Variants in BRDT observed in about 807,000 individuals in gnomAD.
The protein encoded by BRDT is bromodomain testis-specific protein.
A neutral mutation model predicts 113.9 loss-of-function variants in BRDT; 77 were observed. The observed-to-expected ratio is 0.68, with a 90% CI of 0.56 to 0.82. The LOEUF is 0.82. Among genes scored for constraint, BRDT ranks in the 40% least tolerant of loss-of-function variants. The pLI is 0.00. For synonymous variants in BRDT, 358 were observed against 366.5 expected, an observed-to-expected ratio of 0.98 and a Z score of 0.26; for missense variants, 1,027 against 1,105.4, an observed-to-expected ratio of 0.93 and a Z score of 1.01.
intron 3 of BRDT, among the ~76,000 whole-genome samples, chr1:91,965,101 A>G (rs1682924844): frequency 6.6e-6 from 1 of 151,656 alleles, no homozygotes; most frequent in Admixed American, 6.6e-5. Flanking sequence ...TTTAGTAGAG[A>G]TGGGGTTTTA....
At chr1:91,992,777 C>G (rs1453468425) in intron 14 of BRDT, among the ~76,000 whole-genome samples, 1 of 152,074 alleles carries the variant, frequency 6.6e-6, no homozygotes, top group Non-Finnish European at 1.5e-5. Flanking sequence ...TTTAGGTGAC[C>G]CACTCACCTC....
intron 18 of BRDT, among the ~76,000 whole-genome samples, chr1:92,013,028 T>C (rs999453427): frequency 1.8e-4 from 27 of 151,612 alleles, no homozygotes; most frequent in Non-Finnish European, 3.2e-4. Flanking sequence ...GACGCCAGCC[T>C]GGCCAATGTG....
chr1:91,989,748 C>T (rs145179942), intron 12 of BRDT, among the ~76,000 whole-genome samples: 172 of 152,224 alleles, frequency 1.1e-3, no homozygotes, highest in African/African-American at 3.9e-3. Flanking sequence ...ATGCCTAGCC[C>T]ACAACACTTA....
chr1:91,949,767 C>A (rs1359690686), intron 1 of BRDT, 85 bp downstream of exon 1: 1 of 152,254 alleles, frequency 6.6e-6, no homozygotes, highest in Non-Finnish European at 1.5e-5. Context: ...TCCCTCTTTT[C>A]CCCTAAATGT....
chr1:92,006,864 T>C (rs891587803), intron 18 of BRDT, among the ~76,000 whole-genome samples: 2 of 152,100 alleles, frequency 1.3e-5, no homozygotes, highest in Admixed American at 1.3e-4. Context: ...CTTGGCTCAC[T>C]GCGACCTCTG....
intron 11 of BRDT, 55 bp downstream of exon 11, chr1:91,981,436 G>T (rs1368325735): frequency 6.6e-7 from 1 of 1,521,938 alleles, no homozygotes; most frequent in Admixed American, 1.8e-5. Context: ...GTAGAGACAG[G>T]GTCTTGTGAT....
chr1:92,014,159 G>T, intron 18 of BRDT, 47 bp from the exon 19 acceptor site: 1 of 1,258,748 alleles, frequency 7.9e-7, no homozygotes. Context: ...TTGTAGTAAA[G>T]ACATACATTT....
rs1684121910 is a variant in BRDT at position 91,976,185 on chromosome 1, A to AGAC, written c.446-81_446-80insGAC. On this transcript the variant is annotated intron_variant, in intron 4 of 18. Coordinates refer to ENST00000399546, the MANE Select transcript of BRDT (RefSeq NM_207189.4). Reference sequence around the variant, plus strand: ...CTTATATTGCTAAAAAGCTGAACTAAATGAAATAGAAAATAAGACAGAAAG... The same window carrying AGAC: ...CTTATATTGCTAAAAAGCTGAACTAAGACATGAAATAGAAAATAAGACAGAAAG... 4 of 1,363,138 alleles carry AGAC rather than the reference A, an allele frequency of 2.9e-6. No homozygotes were observed. In the African/African-American group the frequency reaches 4.5e-5, roughly 15 times the overall value. The allele number at this position is 1,363,138 out of a possible 1,614,324, so 84.4% of individuals were successfully genotyped here. A position where few individuals can be genotyped will look rare whatever the true frequency, so the allele number is the denominator to read the frequency against.
intron 13 of BRDT, among the ~76,000 whole-genome samples, chr1:91,991,943 G>A (rs1291738463): frequency 2.4e-5 from 3 of 124,748 alleles, no homozygotes; most frequent in African/African-American, 8.9e-5. Flanking sequence ...AGTGAGCCGA[G>A]ATTGTGCCAC....
At chr1:92,002,959 T>A (rs1686991385) in intron 16 of BRDT, among the ~76,000 whole-genome samples, 1 of 152,228 alleles carries the variant, frequency 6.6e-6, no homozygotes, top group Non-Finnish European at 1.5e-5. Context: ...TCTATCCCCC[T>A]CCATCCCTCT....
intron 12 of BRDT, among the ~76,000 whole-genome samples, chr1:91,983,476 G>C (rs376651475): frequency 1.3e-5 from 2 of 151,820 alleles, no homozygotes. Context: ...GGATGGTCTC[G>C]ATCTCCTGAC....
At chr1:91,950,431 C>G (rs1011131919) in intron 1 of BRDT, 1 of 152,880 alleles carries the variant, frequency 6.5e-6, no homozygotes, top group African/African-American at 2.4e-5. Context: ...GCCTGGGCGA[C>G]AGAGTGAGAC....
chr1:91,994,513 C>G (rs545262279), intron 15 of BRDT, among the ~76,000 whole-genome samples: 1 of 150,238 alleles, frequency 6.7e-6, no homozygotes, highest in South Asian at 2.1e-4. Context: ...CAGATCTGAG[C>G]AGATCTGGGA....
At chr1:91,978,548 G>A (rs1386147168) in intron 7 of BRDT, among the ~76,000 whole-genome samples, 1 of 152,070 alleles carries the variant, frequency 6.6e-6, no homozygotes, top group African/African-American at 2.4e-5. Context: ...TTTTTATGAA[G>A]CTGCCCTGCA....
chr1:91,964,897 G>A (rs556560764), intron 3 of BRDT, 133 bp downstream of exon 3: 17 of 479,864 alleles, frequency 3.5e-5, no homozygotes, highest in Non-Finnish European at 4.9e-5. Context: ...GTGTGTGTGT[G>A]TGTGTGTATA....
At chr1:91,996,882 A>G (rs1686391932) in intron 15 of BRDT, among the ~76,000 whole-genome samples, 1 of 152,244 alleles carries the variant, frequency 6.6e-6, no homozygotes, top group African/African-American at 2.4e-5. Flanking sequence ...TTCTAGAACT[A>G]ACAGGGTGTA....
intron 15 of BRDT, among the ~76,000 whole-genome samples, chr1:92,000,030 C>T (rs1284046571): frequency 6.6e-6 from 1 of 152,200 alleles, no homozygotes; most frequent in Non-Finnish European, 1.5e-5. Context: ...TGTGTGCCAC[C>T]ATGCCCAGCT....
At chr1:91,999,237 G>A (rs569717730) in intron 15 of BRDT, among the ~76,000 whole-genome samples, 85 of 152,194 alleles carry the variant, frequency 5.6e-4, no homozygotes, top group Non-Finnish European at 8.7e-4. Context: ...AATAACCCAG[G>A]GATATAAGCT....
At chr1:91,985,973 A>T (rs1035666518) in intron 12 of BRDT, among the ~76,000 whole-genome samples, 1 of 152,212 alleles carries the variant, frequency 6.6e-6, no homozygotes, top group Non-Finnish European at 1.5e-5. Context: ...ATGGACTGGA[A>T]TCAGCATGTC....
Sources: gnomAD v4.1 joint callset for allele counts (sites outside exome capture counted in the v4.1 genomes callset) on GRCh38, gnomAD v4.1.1 for gene constraint, MANE v1.5 for transcripts, NCBI Gene and HGNC (gene_info 2026-07-23, HGNC 2026-07-21) for gene names.